The following LONP1 variants were observed in gnomAD, a reference collection of about 807,000 sequenced individuals.
The protein encoded by LONP1 is lon peptidase 1, mitochondrial.
Under a neutral mutation model 98.5 loss-of-function variants are expected in LONP1, and 31 were observed. The ratio of observed to expected loss-of-function variants is 0.31; its 90% CI spans 0.24 to 0.42. LONP1 has a LOEUF of 0.42. Among genes scored for constraint, LONP1 ranks in the 20% least tolerant of loss-of-function variants. LONP1 has a pLI of 1.00. For missense variants in LONP1, 1,336 were observed against 1,350.6 expected (o/e 0.99, Z 0.17); for synonymous variants, 781 against 594.7 (o/e 1.31, Z -4.56).
chr19:5,715,537 G>A, intron 1 of LONP1, among the ~76,000 whole-genome samples: 1 of 148,740 alleles, frequency 6.7e-6, no homozygotes, highest in Non-Finnish European at 1.5e-5. Flanking sequence ...AGCTACTCGG[G>A]AGGCTGAGGC....
chr19:5,695,066 G>A (rs2054901860), intron 13 of LONP1, among the ~76,000 whole-genome samples, 165 bp from the exon 14 acceptor site: 1 of 151,992 alleles, frequency 6.6e-6, no homozygotes, highest in African/African-American at 2.4e-5. Context: ...CACCCACCAT[G>A]CCCAGAGGCC....
intron 4 of LONP1, 95 bp downstream of exon 4, chr19:5,711,676 G>A: frequency 1.0e-6 from 1 of 998,500 alleles, no homozygotes; most frequent in Non-Finnish European, 1.5e-6. Flanking sequence ...AGGGGCTCAG[G>A]GTGGGAGATG....
chr19:5,694,306 A>ACAGGTGT, intron 15 of LONP1, 81 bp downstream of exon 15: 2 of 1,557,922 alleles, frequency 1.3e-6, no homozygotes, highest in Non-Finnish European at 1.7e-6. Flanking sequence ...GGCCCACTGC[A>ACAGGTGT]CAGGTGTACA....
At chr19:5,708,512 T>TAGGTGGGAGGCACGG in intron 4 of LONP1, 109 bp from the exon 5 acceptor site, 3 of 456,356 alleles carry the variant, frequency 6.6e-6, no homozygotes, top group Admixed American at 3.5e-5. Context: ...ATCAACTCCC[T>TAGGTGGGAGGCACGG]CCCCTCCGCC....
At chr19:5,704,425 G>A (rs2055110366) in intron 8 of LONP1, among the ~76,000 whole-genome samples, 1 of 152,188 alleles carries the variant, frequency 6.6e-6, no homozygotes, top group South Asian at 2.1e-4. Context: ...TGCCTCTCAG[G>A]GCCCTGGGGG....
intron 8 of LONP1, 40 bp from the exon 9 acceptor site, chr19:5,700,967 C>G: frequency 6.2e-7 from 1 of 1,611,478 alleles, no homozygotes; most frequent in African/African-American, 1.3e-5. Flanking sequence ...GTGGAGCTCA[C>G]GAGCTGCCTG....
intron 1 of LONP1, among the ~76,000 whole-genome samples, chr19:5,716,782 C>A (rs2055331253): frequency 6.6e-6 from 1 of 152,084 alleles, no homozygotes; most frequent in African/African-American, 2.4e-5. Context: ...CAGAGCACAC[C>A]TGAACAAAGG....
rs921892020 is a variant in LONP1 at position 5,711,620 on chromosome 19, C to A, written c.870+151G>T. ...AGACCTCTGGGAGGAAAAGCACCCTCTATGTTCCATTAGAATTGAGTTCCA... is the reference window on the plus strand; with the variant it reads ...AGACCTCTGGGAGGAAAAGCACCCTATATGTTCCATTAGAATTGAGTTCCA... On this transcript the variant is annotated intron_variant, in intron 4 of 17. Coordinates refer to ENST00000360614, the MANE Select transcript of LONP1 (RefSeq NM_004793.4). The A allele has an allele frequency of 2.6e-5, 17 of 641,894 alleles. No individual in the cohort carries two copies. In the Admixed American group the frequency reaches 4.8e-4, roughly 18 times the overall value. The allele number at this position is 641,894 out of a possible 1,614,324, so 39.8% of individuals were successfully genotyped here.
intron 1 of LONP1, among the ~76,000 whole-genome samples, 176 bp from the exon 2 acceptor site, chr19:5,714,447 G>C (rs1193002380): frequency 1.3e-5 from 2 of 151,884 alleles, no homozygotes; most frequent in African/African-American, 4.8e-5. Context: ...TGGGATTACA[G>C]GCATGCACCA....
At chr19:5,716,725 A>T (rs2055330482) in intron 1 of LONP1, among the ~76,000 whole-genome samples, 2 of 152,202 alleles carry the variant, frequency 1.3e-5, no homozygotes, top group Admixed American at 1.3e-4. Flanking sequence ...AGACAATTTT[A>T]CTTTCTGAAG....
intron 1 of LONP1, among the ~76,000 whole-genome samples, chr19:5,715,970 A>T (rs931481471): frequency 2.6e-5 from 4 of 152,078 alleles, no homozygotes; most frequent in Admixed American, 6.6e-5. Flanking sequence ...TCTCAACGGC[A>T]GGTTCAGGGC....
chr19:5,713,568 C>T (rs1042289176), intron 2 of LONP1, among the ~76,000 whole-genome samples: 1 of 152,026 alleles, frequency 6.6e-6, no homozygotes, highest in African/African-American at 2.4e-5. Flanking sequence ...GCATGGAACT[C>T]TTTTTTTCTT....
chr19:5,696,317 G>A lies in LONP1; in HGVS notation c.1828C>T (p.Leu610=), dbSNP rs1161400949. Reference sequence around the variant, plus strand: ...TTGGCATTCTGCTCTGGGTCCAGCAGCTCCAGCAGTGCCGACGACGGGTCC... The same window carrying A: ...TTGGCATTCTGCTCTGGGTCCAGCAACTCCAGCAGTGCCGACGACGGGTCC... The part of the protein sequence containing the change: ...QGDPSSALLE[L]LDPEQNANFL... Residue 610 remains leucine (L), a synonymous_variant, in exon 12 of 18, where the codon CTG becomes TTG. Transcript: ENST00000360614. 6 of 1,613,404 alleles carry A rather than the reference G, an allele frequency of 3.7e-6. No homozygotes were observed. In the South Asian group the frequency reaches 6.6e-5, roughly 18 times the overall value.
intron 4 of LONP1, among the ~76,000 whole-genome samples, chr19:5,709,949 C>T (rs1380831012): frequency 6.7e-6 from 1 of 150,080 alleles, no homozygotes; most frequent in Non-Finnish European, 1.5e-5. Context: ...AAGTTCGCTG[C>T]CCCTAAGGGG....
At chr19:5,696,538 C>T in intron 11 of LONP1, 132 bp downstream of exon 11, 1 of 1,285,224 alleles carries the variant, frequency 7.8e-7, no homozygotes, top group Non-Finnish European at 1.1e-6. Flanking sequence ...AGGGACCCGT[C>T]CGTGCCATCA....
At chr19:5,708,996 G>C (rs2055193339) in intron 4 of LONP1, 1 of 130,048 alleles carries the variant, frequency 7.7e-6, no homozygotes, top group African/African-American at 3.2e-5. Flanking sequence ...CTGGGCGAAA[G>C]AGCGAGACTC....
chr19:5,708,468 G>GGGGA, intron 4 of LONP1, 65 bp from the exon 5 acceptor site: 6 of 551,266 alleles, frequency 1.1e-5, no homozygotes, highest in East Asian at 4.7e-5. Context: ...GGCTGGGTGG[G>GGGGA]AGCATGGCCC....
chr19:5,692,336 T>A, intron 17 of LONP1, 128 bp from the exon 18 acceptor site: 1 of 868,898 alleles, frequency 1.2e-6, no homozygotes, highest in Non-Finnish European at 1.7e-6. Context: ...AAGCAGTAAG[T>A]CCCAAAACCC....
In LONP1 at chr19:5,719,716, G is replaced by C; in HGVS notation, c.417C>G (p.Ile139Met). The part of the protein sequence containing the change: ...ITRNPVFPRF[I>M]KIIEVKNKKL... ...GGACTCCCATTACCTCGATAATCTT[G>C]ATAAAGCGCGGGAACACCGGGTTGC... Residue 139 changes from isoleucine to methionine, a missense_variant, in exon 1 of 18, where the codon ATC (isoleucine) becomes ATG (methionine). By Grantham distance (10) the Ile-to-Met change is conservative. Transcript: ENST00000360614. 6.2e-7 allele frequency: 1 copy of C among 1,613,894 alleles called. No individual in the cohort carries two copies. The highest frequency in any genetic ancestry group is 8.5e-7 in the Non-Finnish European group (1 of 1,180,030).
Sources: gnomAD v4.1 joint callset for allele counts (sites outside exome capture counted in the v4.1 genomes callset) on GRCh38, gnomAD v4.1.1 for gene constraint, MANE v1.5 for transcripts, NCBI Gene and HGNC (gene_info 2026-07-23, HGNC 2026-07-21) for gene names.